DAW1: variants seen among roughly 807,000 people sequenced by gnomAD.
DAW1 encodes dynein assembly factor with WD repeats 1, also known as dynein assembly factor with WD repeat domains 1.
A neutral mutation model predicts 56.5 loss-of-function variants in DAW1; 47 were observed. The ratio of observed to expected loss-of-function variants is 0.83; its 90% CI spans 0.66 to 1.06. The LOEUF (loss-of-function observed/expected upper bound fraction) is 1.06. Ranked by LOEUF, DAW1 falls within the 50% of genes least tolerant of loss-of-function variation. The pLI is 0.00. For synonymous variants in DAW1, 190 were observed against 179.0 expected, an observed-to-expected ratio of 1.06 and a Z score of -0.49; for missense variants, 505 against 499.3, an observed-to-expected ratio of 1.01 and a Z score of -0.11.
chr2:227,903,185 G>A (rs1311009646), intron 7 of DAW1, 76 bp downstream of exon 7: 13 of 1,452,188 alleles, frequency 9.0e-6, no homozygotes, highest in Non-Finnish European at 1.2e-5. Flanking sequence ...TGAGCTCTAA[G>A]TTGGAGGTTG....
In DAW1 at chr2:227,907,150, A is replaced by G. The variant is rs968424322; in HGVS notation, c.871A>G (p.Thr291Ala). ...CTTTTAATTGTAGCTGTGGGATGCT[A>G]CAAATGGAAAATGTGTGGCAACCTT... ...MDKTCKLWDATNGKCVATLTG... is the reference protein window; with the variant it reads ...MDKTCKLWDAANGKCVATLTG... Residue 291 changes from threonine to alanine, a missense_variant, in exon 10 of 13, where the codon ACA (threonine) becomes GCA (alanine). Coordinates refer to ENST00000309931, the MANE Select transcript of DAW1 (RefSeq NM_178821.3). 2 of 1,611,036 alleles carry G rather than the reference A, an allele frequency of 1.2e-6. No homozygotes were observed. The highest frequency in any genetic ancestry group is 1.7e-6 in the Non-Finnish European group (2 of 1,179,052).
At position 227,907,260 on chromosome 2, in the gene DAW1, ATCTGTTCAT is replaced by A. The variant is rs1288244764; in HGVS notation, c.973+12_973+20del. The A allele has an allele frequency of 1.9e-6, 3 of 1,605,550 alleles. No homozygotes were observed. In the African/African-American group the frequency reaches 4.0e-5, roughly 22 times the overall value. ...CAACTGCTTCAGCTGATGGTAGGTG[ATCTGTTCAT>A]TCTTTTAATTTTTGGAGAGATTTAT... On this transcript the variant is annotated intron_variant, in intron 10 of 12. Coordinates refer to ENST00000309931, the MANE Select transcript of DAW1 (RefSeq NM_178821.3).
chr2:227,882,529 A>G (rs1691034910), intron 1 of DAW1, among the ~76,000 whole-genome samples: 1 of 152,248 alleles, frequency 6.6e-6, no homozygotes, highest in Non-Finnish European at 1.5e-5. Flanking sequence ...AAATATTAAC[A>G]TAGGAGTGCA....
Position 227,918,859 on chromosome 2 carries a change from G to A in DAW1, c.1050+3G>A, listed in dbSNP as rs373988378. On this transcript the variant is annotated splice_donor_region_variant and intron_variant, in intron 11 of 12. Coordinates refer to ENST00000309931, the MANE Select transcript of DAW1 (RefSeq NM_178821.3). ...GTCATGAAGGTGAAATTTCAAAGGT[G>A]AGTCGCTTTCTCATTTGGAGGAGTT... 652 of 1,613,952 alleles carry A rather than the reference G, an allele frequency of 4.0e-4. No homozygotes were observed. Among genetic ancestry groups the A allele is most frequent in the Non-Finnish European group, 5.2e-4 (617 of 1,179,978 alleles).
At chr2:227,913,079 A>G (rs1472962594) in intron 10 of DAW1, among the ~76,000 whole-genome samples, 1 of 152,194 alleles carries the variant, frequency 6.6e-6, no homozygotes, top group Non-Finnish European at 1.5e-5. Context: ...GCAATCATGT[A>G]TGAGTCTGTA....
At chr2:227,874,963 AAAAC>A (rs55786766) in intron 1 of DAW1, among the ~76,000 whole-genome samples, 111 of 117,882 alleles carry the variant, frequency 9.4e-4, no homozygotes, top group African/African-American at 3.0e-3. Context: ...ACTCTGTCTC[AAAAC>A]AAACAAACAA....
intron 3 of DAW1, 23 bp from the exon 4 acceptor site, chr2:227,891,232 A>T: frequency 1.9e-6 from 3 of 1,605,668 alleles, no homozygotes; most frequent in Non-Finnish European, 8.5e-7. Flanking sequence ...GAGTCTAAAA[A>T]ATGGTGTTTT....
At position 227,895,752 on chromosome 2, in the gene DAW1, G is replaced by C. The variant is rs189049148; in HGVS notation, c.440+1835G>C. Among the ~76,000 whole-genome samples the C allele has an allele frequency of 7.1e-4, 108 of 152,300 alleles. 1 individual carries two copies. The highest frequency in any genetic ancestry group is 2.5e-3 in the African/African-American group (102 of 41,550). ...TTTAAACTCTGTCCTGTGGGACCAA[G>C]TTGCCATCAAGGATTTGGGAACAAA... On this transcript the variant is annotated intron_variant, in intron 5 of 12. Transcript: ENST00000309931.
At chr2:227,905,067 C>A in intron 8 of DAW1, 32 bp downstream of exon 8, 1 of 1,586,678 alleles carries the variant, frequency 6.3e-7, no homozygotes, top group Non-Finnish European at 8.6e-7. Context: ...TTGTTTTAAC[C>A]TGGATCAGGG....
rs191913282 is a variant in DAW1 at position 227,872,586 on chromosome 2, A to G, written c.40+857A>G. Among the ~76,000 whole-genome samples the G allele has an allele frequency of 3.0e-3, 451 of 152,106 alleles. 2 individuals are homozygous for G. Among genetic ancestry groups the G allele is most frequent in the African/African-American group, 0.011 (444 of 41,496 alleles). On this transcript the variant is annotated intron_variant, in intron 1 of 12. Coordinates refer to ENST00000309931, the MANE Select transcript of DAW1 (RefSeq NM_178821.3). Reference sequence around the variant, plus strand: ...CCATCCCAATCCTGCTGCTTCCTCAAACTGTGCCCTGCCAGTAGAAGGCAT... The same window carrying G: ...CCATCCCAATCCTGCTGCTTCCTCAGACTGTGCCCTGCCAGTAGAAGGCAT...
chr2:227,889,549 G>A lies in DAW1; in HGVS notation c.114-307G>A, dbSNP rs115102463. ...TTTCAGCATGAATTTTAGAGCGGAC[G>A]CAAACATTCAAACCACAACACTAGG... On this transcript the variant is annotated intron_variant, in intron 2 of 12. Transcript: ENST00000309931. 3.3e-3 allele frequency: 639 copies of A among 193,312 alleles called. 4 individuals are homozygous for A. The highest frequency in any genetic ancestry group is 0.013 in the African/African-American group (564 of 43,198). 12.0% of individuals were successfully genotyped at this position (193,312 alleles called of 1,614,324 possible).
rs184025516 is a variant in DAW1, at chr2:227,886,927, G to A, written c.113+1504G>A. 5.9e-5 allele frequency among the ~76,000 whole-genome samples: 9 copies of A among 152,350 alleles called. No homozygotes were observed. The East Asian group carries it at 1.7e-3, about 29-fold the overall frequency. The stretch of plus-strand genomic sequence containing the variant: ...ACAAAAGAAACAAAACAAAAATGTT[G>A]TGTTTTAGGTTTGTGGCCTGAGACC... On this transcript the variant is annotated intron_variant, in intron 2 of 12. Transcript: ENST00000309931.
At chr2:227,916,944 T>C (rs1691964504) in intron 10 of DAW1, among the ~76,000 whole-genome samples, 1 of 152,214 alleles carries the variant, frequency 6.6e-6, no homozygotes, top group Non-Finnish European at 1.5e-5. Context: ...TCCATAATTC[T>C]GACCTATGTC....
chr2:227,912,468 T>C, intron 10 of DAW1: 1 of 1,304,100 alleles, frequency 7.7e-7, no homozygotes, highest in Non-Finnish European at 1.0e-6. Context: ...GTCAACAATA[T>C]GGTATGCTAC....
intron 3 of DAW1, 148 bp downstream of exon 3, chr2:227,890,148 C>A: frequency 1.3e-6 from 1 of 779,574 alleles, no homozygotes; most frequent in Non-Finnish European, 1.9e-6. Flanking sequence ...TAAGATTGTC[C>A]CAATAATTAT....
chr2:227,923,813 A>T, intron 12 of DAW1, 121 bp from the exon 13 acceptor site: 1 of 1,170,244 alleles, frequency 8.5e-7, no homozygotes, highest in South Asian at 1.3e-5. Flanking sequence ...AGGCGCGGAG[A>T]ACCTAGCCCA....
intron 10 of DAW1, among the ~76,000 whole-genome samples, chr2:227,909,315 T>A (rs1691764435): frequency 6.7e-6 from 1 of 148,462 alleles, no homozygotes; most frequent in African/African-American, 2.4e-5. Flanking sequence ...TTATACTATA[T>A]ATAATTTTAT....
chr2:227,875,331 T>C (rs1690854890), intron 1 of DAW1, among the ~76,000 whole-genome samples: 1 of 152,228 alleles, frequency 6.6e-6, no homozygotes, highest in Non-Finnish European at 1.5e-5. Context: ...GGGATGGCTC[T>C]GTTAGAACAT....
chr2:227,921,079 A>G (rs536108917), intron 11 of DAW1, among the ~76,000 whole-genome samples: 95 of 152,304 alleles, frequency 6.2e-4, no homozygotes, highest in Admixed American at 1.2e-3. Flanking sequence ...ATCTTTGCAC[A>G]GAGAAGGGCA....
Sources: allele counts gnomAD v4.1 joint callset (sites outside exome capture counted in the v4.1 genomes callset), GRCh38; gene constraint gnomAD v4.1.1; transcripts MANE v1.5; gene names NCBI Gene and HGNC (gene_info 2026-07-23, HGNC 2026-07-21).